The following GRID2 variants were observed in gnomAD, a reference collection of about 807,000 sequenced individuals.
GRID2 encodes glutamate ionotropic receptor delta type subunit 2.
GRID2 carries 33 observed loss-of-function variants against 114.8 expected under a neutral mutation model. The observed-to-expected ratio is 0.29, with a 90% CI of 0.22 to 0.38. The LOEUF (loss-of-function observed/expected upper bound fraction) is 0.38, where lower values mean the gene tolerates loss of function less well. Ranked by LOEUF, GRID2 falls within the 10% of genes least tolerant of loss-of-function variation. GRID2 has a pLI of 1.00. For synonymous variants in GRID2, 505 were observed against 449.9 expected, an observed-to-expected ratio of 1.12 and a Z score of -1.55; for missense variants, 1,184 against 1,257.7, an observed-to-expected ratio of 0.94 and a Z score of 0.89.
At chr4:92,547,021 C>A (rs573275091) in intron 1 of GRID2, among the ~76,000 whole-genome samples, 1 of 152,128 alleles carries the variant, frequency 6.6e-6, no homozygotes, top group Non-Finnish European at 1.5e-5. Context: ...AGAGCTAGAA[C>A]CCAGATCTTT....
At position 92,847,208 on chromosome 4, in the gene GRID2, T is replaced by C. The variant is rs115718301; in HGVS notation, c.245-237787T>C. On this transcript the variant is annotated intron_variant, in intron 2 of 15. Coordinates refer to ENST00000282020, the MANE Select transcript of GRID2 (RefSeq NM_001510.4). ...AGACAACCTCTTCCTTTTCTAATTATGCTGCTGCTTCCTTTGGAGCCTTGC... is the reference window on the plus strand; with the variant it reads ...AGACAACCTCTTCCTTTTCTAATTACGCTGCTGCTTCCTTTGGAGCCTTGC... Among the ~76,000 whole-genome samples the C allele has an allele frequency of 3.6e-3, 549 of 152,206 alleles. 2 individuals are homozygous for C. Among genetic ancestry groups the C allele is most frequent in the African/African-American group, 0.013 (524 of 41,560 alleles).
At chr4:92,715,513 T>A (rs993474713) in intron 2 of GRID2, among the ~76,000 whole-genome samples, 1 of 151,924 alleles carries the variant, frequency 6.6e-6, no homozygotes. Flanking sequence ...ACACTGCTGA[T>A]AAAGACATAC....
chr4:93,506,005 G>A (rs995121814), intron 12 of GRID2, among the ~76,000 whole-genome samples: 1 of 152,130 alleles, frequency 6.6e-6, no homozygotes, highest in Non-Finnish European at 1.5e-5. Flanking sequence ...GCCAACAGCA[G>A]TAAGACGTGC....
intron 1 of GRID2, among the ~76,000 whole-genome samples, chr4:92,351,248 C>A (rs1728054847): frequency 6.6e-6 from 1 of 151,730 alleles, no homozygotes; most frequent in Admixed American, 6.6e-5. Context: ...TGAGGAAGTG[C>A]CAAACTCTTT....
intron 1 of GRID2, among the ~76,000 whole-genome samples, chr4:92,531,933 A>G (rs944239944): frequency 2.6e-5 from 4 of 152,158 alleles, no homozygotes; most frequent in African/African-American, 7.2e-5. Flanking sequence ...CGCAGGCCCT[A>G]CTAGCAAATA....
chr4:93,325,037 T>G (rs990422250), intron 8 of GRID2, among the ~76,000 whole-genome samples: 1 of 152,176 alleles, frequency 6.6e-6, no homozygotes, highest in African/African-American at 2.4e-5. Flanking sequence ...TCTATCTCCT[T>G]CAGTTCTGCT....
At chr4:92,724,077 A>T (rs923677656) in intron 2 of GRID2, among the ~76,000 whole-genome samples, 5 of 152,268 alleles carry the variant, frequency 3.3e-5, no homozygotes, top group African/African-American at 1.2e-4. Context: ...TATCAATTAA[A>T]ATTAATTTGA....
chr4:93,460,154 A>G (rs1438136185), intron 11 of GRID2, among the ~76,000 whole-genome samples: 3 of 152,222 alleles, frequency 2.0e-5, no homozygotes, highest in Admixed American at 6.5e-5. Context: ...AGATAAACAC[A>G]TAATTCCCAT....
chr4:93,135,275 A>G (rs995170795), intron 4 of GRID2, among the ~76,000 whole-genome samples: 9 of 152,154 alleles, frequency 5.9e-5, no homozygotes, highest in African/African-American at 9.7e-5. Context: ...GCTTGTTTGC[A>G]ATCAGCTCTG....
At chr4:92,329,995 G>GAGAGAC (rs1726796795) in intron 1 of GRID2, among the ~76,000 whole-genome samples, 1 of 137,498 alleles carries the variant, frequency 7.3e-6, no homozygotes, top group Admixed American at 7.0e-5. Context: ...TGGGAGGAAA[G>GAGAGAC]AGAGAGAGAG....
At chr4:93,487,271 C>T (rs1431601888) in intron 11 of GRID2, among the ~76,000 whole-genome samples, 1 of 151,604 alleles carries the variant, frequency 6.6e-6, no homozygotes, top group East Asian at 1.9e-4. Context: ...AATTGCATTT[C>T]TTATCTATTT....
At chr4:93,348,239 A>G (rs536061154) in intron 8 of GRID2, among the ~76,000 whole-genome samples, 10 of 152,292 alleles carry the variant, frequency 6.6e-5, no homozygotes, top group Middle Eastern at 3.4e-3. Context: ...AGGTCAAACT[A>G]TGCTGACAAA....
chr4:93,800,312 T>C (rs1373266040), intron 1 of GRID2, among the ~76,000 whole-genome samples: 1 of 152,178 alleles, frequency 6.6e-6, no homozygotes. Context: ...CAAATGAGGA[T>C]GGGAAAATGA....
At chr4:92,909,034 A>T (rs1238054572) in intron 2 of GRID2, among the ~76,000 whole-genome samples, 4 of 152,138 alleles carry the variant, frequency 2.6e-5, no homozygotes, top group Non-Finnish European at 5.9e-5. Context: ...ACTGATGATT[A>T]TTCTGATTTT....
chr4:92,680,307 T>G lies in GRID2; in HGVS notation c.244+90021T>G, dbSNP rs76618674. ...ACTTACATTAAAGAACCTAACAACT[T>G]AATTTTACCATTCACACATTTAATA... On this transcript the variant is annotated intron_variant, in intron 2 of 15. Transcript: ENST00000282020. 4.2e-3 allele frequency among the ~76,000 whole-genome samples: 634 copies of G among 152,248 alleles called. 6 individuals carry two copies. Among genetic ancestry groups the G allele is most frequent in the African/African-American group, 0.015 (614 of 41,574 alleles).
chr4:93,231,966 G>A (rs1005106736), intron 7 of GRID2, among the ~76,000 whole-genome samples: 7 of 152,090 alleles, frequency 4.6e-5, no homozygotes, highest in Admixed American at 2.6e-4. Flanking sequence ...TTCAAAACTA[G>A]CAGGCTTAGG....
At chr4:93,043,600 A>G (rs1243781476) in intron 2 of GRID2, among the ~76,000 whole-genome samples, 1 of 152,188 alleles carries the variant, frequency 6.6e-6, no homozygotes, top group East Asian at 1.9e-4. Context: ...GGTTTATGTA[A>G]AAGAGCATGG....
chr4:93,159,639 A>G (rs1737496778), intron 4 of GRID2, among the ~76,000 whole-genome samples: 1 of 147,998 alleles, frequency 6.8e-6, no homozygotes, highest in African/African-American at 2.5e-5. Context: ...TAATTTCATT[A>G]TTTTTCATTT....
At chr4:93,564,172 T>C (rs72670633) in intron 13 of GRID2, among the ~76,000 whole-genome samples, 11,709 of 152,056 alleles carry the variant, frequency 0.077, 597 homozygotes, top group African/African-American at 0.14. Context: ...TTTAAAAATC[T>C]ATAAGTTTGA....
Sources: allele counts gnomAD v4.1 joint callset (sites outside exome capture counted in the v4.1 genomes callset), GRCh38; gene constraint gnomAD v4.1.1; transcripts MANE v1.5; gene names NCBI Gene and HGNC (gene_info 2026-07-23, HGNC 2026-07-21).